The following ACACB variants were observed in gnomAD, a reference collection of about 807,000 sequenced individuals.
The protein encoded by ACACB is acetyl-CoA carboxylase 2.
ACACB carries 209 observed loss-of-function variants against 278.8 expected under a neutral mutation model. The ratio of observed to expected loss-of-function variants is 0.75; its 90% CI spans 0.67 to 0.84. ACACB has a LOEUF of 0.84. Among genes scored for constraint, ACACB ranks in the 40% least tolerant of loss-of-function variants. The pLI is 0.00. For synonymous variants in ACACB, 1,174 were observed against 1,285.6 expected (o/e 0.91, Z 1.86); for missense variants, 2,850 against 3,269.0 (o/e 0.87, Z 3.13).
intron 45 of ACACB, among the ~76,000 whole-genome samples, chr12:109,257,223 G>A (rs1301889433): frequency 2.6e-5 from 4 of 151,944 alleles, no homozygotes; most frequent in Admixed American, 1.3e-4. Flanking sequence ...GCAGTGAGCC[G>A]AGATTGCGCC....
intron 6 of ACACB, 25 bp downstream of exon 6, chr12:109,172,381 A>G (rs774179217): frequency 5.0e-6 from 8 of 1,607,618 alleles, no homozygotes; most frequent in African/African-American, 2.7e-5. Context: ...CATCAGATAC[A>G]TGGGAATTGG....
intron 1 of ACACB, among the ~76,000 whole-genome samples, chr12:109,138,194 G>A (rs535192564): frequency 3.3e-5 from 5 of 152,240 alleles, no homozygotes; most frequent in Middle Eastern, 3.4e-3. Flanking sequence ...ATGAGCCACC[G>A]CACTGGGCTC....
At chr12:109,176,802 A>C (rs1002787177) in intron 9 of ACACB, among the ~76,000 whole-genome samples, 2 of 152,114 alleles carry the variant, frequency 1.3e-5, no homozygotes, top group Non-Finnish European at 2.9e-5. Flanking sequence ...TTTTTAGTAG[A>C]GACAGAGTTT....
chr12:109,180,108 C>A (rs369954235), intron 11 of ACACB, 21 bp downstream of exon 11: 1 of 1,605,018 alleles, frequency 6.2e-7, no homozygotes, highest in South Asian at 1.1e-5. Flanking sequence ...GGGCTTGGGG[C>A]CCTGGGACTT....
rs372970041 is a variant in ACACB at position 109,256,922 on chromosome 12, G to A, written c.6263+686G>A. On this transcript the variant is annotated intron_variant, in intron 45 of 52. Coordinates refer to ENST00000338432, the MANE Select transcript of ACACB (RefSeq NM_001093.4). ...TAACATGTGTGAAATATTTAAAATC[G>A]ACATACTCCATAAGTGGGAATGGCT... 3.9e-5 allele frequency among the ~76,000 whole-genome samples: 6 copies of A among 152,138 alleles called. No homozygotes were observed. The East Asian group carries it at 5.8e-4, about 15-fold the overall frequency.
At chr12:109,164,714 T>TA (rs1382051202) in intron 2 of ACACB, among the ~76,000 whole-genome samples, 46 of 123,528 alleles carry the variant, frequency 3.7e-4, no homozygotes, top group African/African-American at 1.2e-3. Context: ...CTAGCTAATT[T>TA]AAATTTTTTT....
intron 20 of ACACB, 116 bp downstream of exon 20, chr12:109,206,972 G>A (rs2045537987): frequency 8.1e-7 from 1 of 1,234,654 alleles, no homozygotes; most frequent in African/African-American, 1.5e-5. Context: ...GTCCTCTGTT[G>A]TTTTTATTTT....
chr12:109,190,176 G>A (rs2044817245), intron 13 of ACACB, among the ~76,000 whole-genome samples: 1 of 152,128 alleles, frequency 6.6e-6, no homozygotes, highest in Non-Finnish European at 1.5e-5. Context: ...TCAGATACCT[G>A]CCCACACTCA....
chr12:109,181,840 CTTTTTTTTTTTT>C (rs34174568), intron 11 of ACACB, among the ~76,000 whole-genome samples: 2 of 81,550 alleles, frequency 2.5e-5, no homozygotes, highest in East Asian at 7.8e-4. Flanking sequence ...TTTTCCTTTC[CTTTTTTTTTTTT>C]TTTTTTTTTT....
intron 17 of ACACB, 99 bp from the exon 18 acceptor site, chr12:109,199,303 C>T: frequency 9.5e-7 from 1 of 1,051,464 alleles, no homozygotes; most frequent in Non-Finnish European, 1.3e-6. Flanking sequence ...AGGGTACACT[C>T]CCCCTTTAGG....
At chr12:109,177,644 G>T (rs1310111425) in intron 9 of ACACB, among the ~76,000 whole-genome samples, 1 of 152,002 alleles carries the variant, frequency 6.6e-6, no homozygotes, top group Admixed American at 6.6e-5. Flanking sequence ...TCTATCCTTC[G>T]CCCGGTTTCA....
intron 3 of ACACB, 115 bp from the exon 4 acceptor site, chr12:109,167,781 A>T: frequency 6.8e-7 from 1 of 1,478,226 alleles, no homozygotes; most frequent in South Asian, 1.2e-5. Flanking sequence ...AAGAGGAATG[A>T]TGTGCTGCGG....
At chr12:109,187,324 C>T (rs560277386) in intron 12 of ACACB, among the ~76,000 whole-genome samples, 7 of 152,156 alleles carry the variant, frequency 4.6e-5, no homozygotes, top group South Asian at 2.1e-4. Context: ...TTTTTATTTT[C>T]GAAATGTCAA....
intron 16 of ACACB, 122 bp from the exon 17 acceptor site, chr12:109,196,886 G>A (rs2045150321): frequency 8.6e-6 from 10 of 1,158,586 alleles, no homozygotes; most frequent in Middle Eastern, 2.9e-4. Context: ...TCCGAGAGAC[G>A]GGGGTGTTCA....
At chr12:109,253,991 C>T (rs939351142) in intron 43 of ACACB, among the ~76,000 whole-genome samples, 2 of 152,126 alleles carry the variant, frequency 1.3e-5, no homozygotes, top group African/African-American at 2.4e-5. Context: ...CCATCTGAAC[C>T]GGGAAGCACA....
intron 21 of ACACB, among the ~76,000 whole-genome samples, chr12:109,211,015 C>T (rs895649370): frequency 1.3e-5 from 2 of 150,962 alleles, no homozygotes; most frequent in African/African-American, 4.9e-5. Context: ...TACACATCGG[C>T]CTCGCGTTGT....
chr12:109,116,281 C>T (rs1221754818), upstream of ACACB, among the ~76,000 whole-genome samples: 1 of 152,224 alleles, frequency 6.6e-6, no homozygotes, highest in Non-Finnish European at 1.5e-5. Flanking sequence ...TGACCAACAC[C>T]TGTAGGCAGT....
At chr12:109,221,239 A>G (rs2136503605) in intron 24 of ACACB, among the ~76,000 whole-genome samples, 2 of 152,290 alleles carry the variant, frequency 1.3e-5, no homozygotes, top group East Asian at 3.9e-4. Flanking sequence ...GGTTCATTAT[A>G]ATAGGAAAAT....
chr12:109,126,654 A>G (rs1159096313), intron 1 of ACACB, among the ~76,000 whole-genome samples: 1 of 152,202 alleles, frequency 6.6e-6, no homozygotes, highest in Non-Finnish European at 1.5e-5. Flanking sequence ...ACTGGACTCC[A>G]GCCTGGGTGA....
Sources: gnomAD v4.1 joint callset for allele counts (sites outside exome capture counted in the v4.1 genomes callset) on GRCh38, gnomAD v4.1.1 for gene constraint, MANE v1.5 for transcripts, NCBI Gene and HGNC (gene_info 2026-07-23, HGNC 2026-07-21) for gene names.